ARHGAP39: variants seen among roughly 807,000 people sequenced by gnomAD.
The protein encoded by ARHGAP39 is Rho GTPase activating protein 39, also known as rho GTPase-activating protein 39.
Under a neutral mutation model 106.9 loss-of-function variants are expected in ARHGAP39, and 44 were observed. The ratio of observed to expected loss-of-function variants is 0.41; its 90% CI spans 0.32 to 0.53. The LOEUF (loss-of-function observed/expected upper bound fraction) is 0.53. Ranked by LOEUF, ARHGAP39 falls within the 20% of genes least tolerant of loss-of-function variation. The probability of loss-of-function intolerance (pLI) is 0.21; values close to 1 mark genes in which losing one functional copy is unlikely to be tolerated. For missense variants in ARHGAP39, 1,496 were observed against 1,577.3 expected, an observed-to-expected ratio of 0.95 and a Z score of 0.87; for synonymous variants, 768 against 693.2, an observed-to-expected ratio of 1.11 and a Z score of -1.69.
At chr8:144,649,623 A>T (rs1220862127) in intron 1 of ARHGAP39, among the ~76,000 whole-genome samples, 4 of 152,034 alleles carry the variant, frequency 2.6e-5, no homozygotes, top group Non-Finnish European at 2.9e-5. Flanking sequence ...TACAAAAATT[A>T]GCTGGGTGTG....
chr8:144,532,743 C>G (rs1564832525), intron 9 of ARHGAP39, among the ~76,000 whole-genome samples: 1 of 152,198 alleles, frequency 6.6e-6, no homozygotes, highest in Non-Finnish European at 1.5e-5. Flanking sequence ...GTACCCCTTG[C>G]CCTGACAGGT....
chr8:144,534,214 A>T lies in ARHGAP39; in HGVS notation c.2615-12T>A, dbSNP rs2620642. On this transcript the variant is annotated splice_polypyrimidine_tract_variant and intron_variant, in intron 7 of 11. Coordinates refer to ENST00000377307, the MANE Select transcript of ARHGAP39 (RefSeq NM_025251.3). ...GCTTATCGCCACCCCTGGAAAGGAA[A>T]GGGGCCTGATCAGCCTGATGTGGGT... 33,475 of 1,613,116 alleles carry T rather than the reference A, an allele frequency of 0.021. 5,392 individuals carry two copies. In the African/African-American group the frequency reaches 0.37, roughly 18 times the overall value.
chr8:144,600,713 TGTG>T (rs572404026), intron 2 of ARHGAP39, among the ~76,000 whole-genome samples: 298 of 144,618 alleles, frequency 2.1e-3, no homozygotes, highest in Non-Finnish European at 3.3e-3. Flanking sequence ...CGTGTGCACT[TGTG>T]TACCTGAGTG....
At chr8:144,686,149 G>C (rs1215949063), upstream of ARHGAP39, among the ~76,000 whole-genome samples, 2 of 152,058 alleles carry the variant, frequency 1.3e-5, no homozygotes, top group African/African-American at 4.8e-5. Context: ...GTGTGGTTTG[G>C]TGTAATTTTG....
At position 144,597,405 on chromosome 8, in the gene ARHGAP39, C is replaced by T. The variant is rs559278058; in HGVS notation, c.80+8130G>A. Among the ~76,000 whole-genome samples the T allele has an allele frequency of 3.2e-3, 490 of 152,300 alleles. 3 individuals carry two copies. The highest frequency in any genetic ancestry group is 0.011 in the African/African-American group (476 of 41,552). ...AGAGCACGTGGAGGGAGGGCGGAGG[C>T]ATCTTTGAATCAAAGGACTGCAGCT... On this transcript the variant is annotated intron_variant, in intron 2 of 11. Coordinates refer to ENST00000377307, the MANE Select transcript of ARHGAP39 (RefSeq NM_025251.3).
intron 1 of ARHGAP39, among the ~76,000 whole-genome samples, chr8:144,680,748 G>A (rs753053996): frequency 6.6e-6 from 1 of 152,112 alleles, no homozygotes; most frequent in Non-Finnish European, 1.5e-5. Flanking sequence ...CACACTAAAT[G>A]TTGCACCAAG....
At chr8:144,532,217 G>T in intron 10 of ARHGAP39, 88 bp downstream of exon 10, 1 of 1,117,422 alleles carries the variant, frequency 8.9e-7, no homozygotes, top group Non-Finnish European at 1.3e-6. Flanking sequence ...GGCAGGATCA[G>T]GGTGGACCCC....
At chr8:144,628,886 G>A (rs768125648) in intron 1 of ARHGAP39, among the ~76,000 whole-genome samples, 4 of 152,158 alleles carry the variant, frequency 2.6e-5, no homozygotes, top group Middle Eastern at 3.2e-3. Flanking sequence ...GATGGCAGGC[G>A]TGTCTCCCAC....
Position 144,604,183 on chromosome 8 carries a change from G to A in ARHGAP39, c.80+1352C>T, listed in dbSNP as rs549713001. Among the ~76,000 whole-genome samples the A allele has an allele frequency of 3.3e-5, 5 of 152,320 alleles. No individual in the cohort carries two copies. The highest frequency in any genetic ancestry group is 3.3e-4 in the Admixed American group (5 of 15,310). On this transcript the variant is annotated intron_variant, in intron 2 of 11. Transcript: ENST00000377307. This position sits in a 1 kb window ranked among gnomAD's most constrained non-coding sequence, Gnocchi z 4.1. ...CACGGAGCCGGGCCCAGAGCGCCCA[G>A]AGGTGGCCGGGAGGCAGCAGCTGCA...
At chr8:144,603,273 G>A (rs917518186) in intron 2 of ARHGAP39, among the ~76,000 whole-genome samples, 5 of 151,538 alleles carry the variant, frequency 3.3e-5, no homozygotes, top group Admixed American at 6.6e-5. Context: ...GTGCATGTGC[G>A]TGGAGGTGTG....
chr8:144,544,301 G>GC (rs1314367580), intron 6 of ARHGAP39, among the ~76,000 whole-genome samples: 5 of 152,180 alleles, frequency 3.3e-5, no homozygotes, highest in African/African-American at 1.2e-4. Flanking sequence ...GCCTCTGTGT[G>GC]CCCACAGCAG....
intron 11 of ARHGAP39, 37 bp downstream of exon 11, chr8:144,530,665 A>AGGGGGGGGGGGGGGGGGGGGGGGGGGGG: frequency 1.1e-6 from 1 of 913,536 alleles, no homozygotes. Flanking sequence ...CGGGGCGGGG[A>AGGGGGGGGGGGGGGGGGGGGGGGGGGGG]GGGGAAAGCA....
chr8:144,582,639 C>T (rs1195809278), intron 2 of ARHGAP39, among the ~76,000 whole-genome samples: 1 of 152,220 alleles, frequency 6.6e-6, no homozygotes, highest in Non-Finnish European at 1.5e-5. Context: ...GGTGGGCGTG[C>T]TCAGGGCCTT....
At position 144,530,234 on chromosome 8, in the gene ARHGAP39, T is replaced by G. The variant is rs1258678657; in HGVS notation, c.*188A>C. On this transcript the variant is annotated 3_prime_UTR_variant, in exon 12 of 12. Transcript: ENST00000377307. The stretch of plus-strand genomic sequence containing the variant: ...GGGCCAGAGGCGCCCTCCCCGCCGC[T>G]GCTGTGCCCTGGCTGCACCCTCAGA... 4.6e-6 allele frequency: 3 copies of G among 646,588 alleles called. No homozygotes were observed. The East Asian group carries it at 8.7e-5, about 19-fold the overall frequency. 40.1% of individuals were successfully genotyped at this position (646,588 alleles called of 1,614,324 possible).
chr8:144,576,588 C>T (rs1818787239), intron 3 of ARHGAP39, among the ~76,000 whole-genome samples: 2 of 152,278 alleles, frequency 1.3e-5, no homozygotes, highest in South Asian at 4.1e-4. Context: ...AAGAGAATCA[C>T]AAAAAGAAAC....
rs111243144 is a variant in ARHGAP39, at chr8:144,644,722, C to T, written c.-81-39027G>A. 4.9e-4 allele frequency among the ~76,000 whole-genome samples: 75 copies of T among 152,332 alleles called. No individual in the cohort carries two copies. The highest frequency in any genetic ancestry group is 1.6e-3 in the African/African-American group (68 of 41,570). ...TTCATCATCAACCCAGGCCAAACCA[C>T]GTCCCTGTCCGTGACTTCGCACCTG... is the stretch of plus-strand genomic sequence containing the variant. On this transcript the variant is annotated intron_variant, in intron 1 of 11. Transcript: ENST00000377307. The surrounding 1 kb of genome is among the most constrained non-coding windows in gnomAD (Gnocchi z 4.8).
chr8:144,534,081 T>C, intron 8 of ARHGAP39, 48 bp downstream of exon 8: 1 of 1,598,238 alleles, frequency 6.3e-7, no homozygotes, highest in Non-Finnish European at 8.5e-7. Context: ...CCACCAAGGG[T>C]CTCTGTGTCC....
chr8:144,601,154 CTG>C lies in ARHGAP39; in HGVS notation c.80+4379_80+4380del, dbSNP rs535272371. Reference sequence around the variant, plus strand: ...GAGGCGTGCATGTGTGCTCGTGTACCTGTGTGTGTGCATGGAGGCGTGCGTGC... The same window carrying C: ...GAGGCGTGCATGTGTGCTCGTGTACCTGTGTGTGCATGGAGGCGTGCGTGC... On this transcript the variant is annotated intron_variant, in intron 2 of 11. Transcript: ENST00000377307. Among the ~76,000 whole-genome samples the C allele has an allele frequency of 5.6e-3, 715 of 126,862 alleles. 16 individuals carry two copies. In the East Asian group the frequency reaches 0.081, roughly 14 times the overall value. 83.2% of individuals were successfully genotyped at this position (126,862 alleles called of 152,430 possible).
chr8:144,644,196 G>A lies in ARHGAP39; in HGVS notation c.-81-38501C>T, dbSNP rs1316513832. Among the ~76,000 whole-genome samples the A allele has an allele frequency of 1.3e-5, 2 of 152,120 alleles. No individual in the cohort carries two copies. The highest frequency in any genetic ancestry group is 1.9e-4 in the East Asian group (1 of 5,192). On this transcript the variant is annotated intron_variant, in intron 1 of 11. Coordinates refer to ENST00000377307, the MANE Select transcript of ARHGAP39 (RefSeq NM_025251.3). The surrounding 1 kb of genome is among the most constrained non-coding windows in gnomAD (Gnocchi z 4.8). ...CACCAGACGATGGGGGAGAAAAGACGGTGGACCCACTCAATGCGATGCTTC... is the reference window on the plus strand; with the variant it reads ...CACCAGACGATGGGGGAGAAAAGACAGTGGACCCACTCAATGCGATGCTTC...
Sources: gnomAD v4.1 joint callset for allele counts (sites outside exome capture counted in the v4.1 genomes callset) on GRCh38, gnomAD v4.1.1 for gene constraint, Gnocchi (gnomAD v3.1) non-coding constraint, MANE v1.5 for transcripts, NCBI Gene and HGNC (gene_info 2026-07-23, HGNC 2026-07-21) for gene names.